The following OAS1 variants were observed in gnomAD, a reference collection of about 807,000 sequenced individuals.
OAS1 encodes the protein 2'-5'-oligoadenylate synthase 1.
OAS1 carries 24 observed loss-of-function variants against 38.5 expected under a neutral mutation model. The observed-to-expected ratio is 0.62, with a 90% confidence interval of 0.45 to 0.88. The LOEUF (loss-of-function observed/expected upper bound fraction) is 0.88, where lower values mean the gene tolerates loss of function less well. Ranked by LOEUF, OAS1 falls within the 40% of genes least tolerant of loss-of-function variation. The pLI, the probability that OAS1 is intolerant of heterozygous loss-of-function variation, is 0.00. For synonymous variants in OAS1, 169 were observed against 193.9 expected, an observed-to-expected ratio of 0.87 and a Z score of 1.07; for missense variants, 482 against 493.9, an observed-to-expected ratio of 0.98 and a Z score of 0.23.
chr12:112,915,756 G>C (rs140095710), intron 3 of OAS1, among the ~76,000 whole-genome samples: 1 of 152,150 alleles, frequency 6.6e-6, no homozygotes, highest in Non-Finnish European at 1.5e-5. Flanking sequence ...CATGAGCATG[G>C]GATGTGTTTC....
chr12:112,907,331 A>C (rs2043311192), intron 1 of OAS1, 112 bp downstream of exon 1: 2 of 995,718 alleles, frequency 2.0e-6, no homozygotes, highest in Non-Finnish European at 3.0e-6. Flanking sequence ...CAGGGTGCAA[A>C]TGTGAGTACA....
chr12:112,920,609 T>C (rs1384737385), downstream of OAS1, among the ~76,000 whole-genome samples: 2 of 152,258 alleles, frequency 1.3e-5, no homozygotes, highest in African/African-American at 4.8e-5. Context: ...GATTAAAGAT[T>C]CGACTATACT....
At chr12:112,914,933 A>T (rs1428566800) in intron 3 of OAS1, among the ~76,000 whole-genome samples, 1 of 148,498 alleles carries the variant, frequency 6.7e-6, no homozygotes, top group African/African-American at 2.5e-5. Flanking sequence ...TCTTCATTTG[A>T]GAATTCTCTG....
At chr12:112,922,824 C>G (rs889316643), downstream of OAS1, among the ~76,000 whole-genome samples, 2 of 152,230 alleles carry the variant, frequency 1.3e-5, no homozygotes, top group Admixed American at 1.3e-4. Context: ...TAGGAGCCAT[C>G]CTAGGAGTCA....
At chr12:112,925,491 A>G (rs1433258418) in intron 6 of OAS1, among the ~76,000 whole-genome samples, 2 of 152,150 alleles carry the variant, frequency 1.3e-5, no homozygotes, top group African/African-American at 2.4e-5. Context: ...CAAGTCACTT[A>G]CCTAACTCCT....
At position 112,907,152 on chromosome 12, in the gene OAS1, G is replaced by A; in HGVS notation, c.113G>A (p.Cys38Tyr). 1.2e-6 allele frequency: 2 copies of A among 1,614,234 alleles called. No homozygotes were observed. The highest frequency in any genetic ancestry group is 1.1e-5 in the South Asian group (1 of 91,086). ...MQINHAIDII[C>Y]GFLKERCFRG... ...ATCAACCATGCCATTGACATCATCT[G>A]TGGGTTCCTGAAGGAAAGGTGCTTC... The change falls in exon 1 of 6, where the codon TGT becomes TAT. Residue 38 changes from cysteine to tyrosine, a missense_variant. Cys to Tyr is a radical substitution (Grantham distance 194). Transcript: ENST00000202917.
chr12:112,933,034 A>G (rs1228172505), downstream of OAS1: 1 of 152,218 alleles, frequency 6.6e-6, no homozygotes, highest in African/African-American at 2.4e-5. Flanking sequence ...GAAATCTGCC[A>G]TTTCCAGCCT....
At chr12:112,932,139 C>G in exon 7 of OAS1, 1 of 494,246 alleles carries the variant, frequency 2.0e-6, no homozygotes, top group South Asian at 3.2e-5. Context: ...GAACTCCCTC[C>G]CTCTCTTCCT....
chr12:112,910,459 G>T (rs1282977324), intron 2 of OAS1, among the ~76,000 whole-genome samples: 3 of 152,160 alleles, frequency 2.0e-5, no homozygotes, highest in Admixed American at 6.5e-5. Flanking sequence ...AGCCATGGGG[G>T]TTAGGGAGCT....
At chr12:112,930,626 T>G (rs1175963475) in intron 6 of OAS1, among the ~76,000 whole-genome samples, 3 of 152,220 alleles carry the variant, frequency 2.0e-5, no homozygotes, top group African/African-American at 4.8e-5. Flanking sequence ...GTCATCTTGG[T>G]TCAGGGAAGG....
At chr12:112,911,637 A>G (rs540071618) in intron 3 of OAS1, among the ~76,000 whole-genome samples, 7 of 152,174 alleles carry the variant, frequency 4.6e-5, no homozygotes, top group Non-Finnish European at 1.0e-4. Flanking sequence ...AAACAAATAT[A>G]TGTTCAGATG....
downstream of OAS1, among the ~76,000 whole-genome samples, chr12:112,924,238 A>AT (rs1944605974): frequency 6.6e-6 from 1 of 152,078 alleles, no homozygotes; most frequent in Non-Finnish European, 1.5e-5. Context: ...CCATTGGTCT[A>AT]TTTTTTGTGT....
intron 3 of OAS1, among the ~76,000 whole-genome samples, chr12:112,914,061 A>G (rs1406406910): frequency 2.6e-5 from 4 of 152,132 alleles, no homozygotes; most frequent in African/African-American, 4.8e-5. Context: ...ATTGTACCCA[A>G]TGTGTAATCT....
chr12:112,922,353 C>T (rs78021814), downstream of OAS1, among the ~76,000 whole-genome samples: 45 of 152,206 alleles, frequency 3.0e-4, no homozygotes, highest in East Asian at 2.7e-3. Flanking sequence ...CCTGGTCGTC[C>T]GGCCTTGATT....
chr12:112,931,502 T>C (rs1181633360), intron 6 of OAS1, among the ~76,000 whole-genome samples: 1 of 152,184 alleles, frequency 6.6e-6, no homozygotes, highest in African/African-American at 2.4e-5. Context: ...ATTTATAAAG[T>C]GTTCGGAATG....
chr12:112,929,045 A>C (rs2043580410), intron 6 of OAS1, among the ~76,000 whole-genome samples: 1 of 152,068 alleles, frequency 6.6e-6, no homozygotes, highest in Non-Finnish European at 1.5e-5. Context: ...TTTCTGTACC[A>C]CACCCAGCTT....
downstream of OAS1, among the ~76,000 whole-genome samples, chr12:112,920,704 T>A (rs2043523513): frequency 6.6e-6 from 1 of 152,206 alleles, no homozygotes; most frequent in African/African-American, 2.4e-5. Context: ...AAAACTCTCA[T>A]AAATACTCAC....
chr12:112,927,999 C>T (rs2043570925), intron 6 of OAS1, among the ~76,000 whole-genome samples: 1 of 152,158 alleles, frequency 6.6e-6, no homozygotes, highest in African/African-American at 2.4e-5. Context: ...CTGTCCCTCT[C>T]CTGGTTTGGG....
chr12:112,924,398 T>TC (rs2043547062), downstream of OAS1, among the ~76,000 whole-genome samples: 2 of 152,088 alleles, frequency 1.3e-5, no homozygotes, highest in South Asian at 4.1e-4. Context: ...GTGAAGCTCC[T>TC]CCCAAAATAT....
Sources: allele counts gnomAD v4.1 joint callset (sites outside exome capture counted in the v4.1 genomes callset), GRCh38; gene constraint gnomAD v4.1.1; transcripts MANE v1.5; gene names NCBI Gene and HGNC (gene_info 2026-07-23, HGNC 2026-07-21).